Variants in RUNDC3B observed in about 807,000 individuals in gnomAD.
RUNDC3B encodes RUN domain containing 3B, also known as RUN domain-containing protein 3B.
In RUNDC3B, 33 loss-of-function variants were observed where a neutral mutation model predicts 58.4. That is an observed-to-expected ratio of 0.56 (90% CI 0.43 to 0.75). The LOEUF (loss-of-function observed/expected upper bound fraction) is 0.75, where lower values mean the gene tolerates loss of function less well. RUNDC3B is among the 30% of genes least tolerant of loss of function. The probability of loss-of-function intolerance (pLI) is 0.00; values close to 1 mark genes in which losing one functional copy is unlikely to be tolerated. For synonymous variants in RUNDC3B, 193 were observed against 195.2 expected (o/e 0.99, Z 0.10); for missense variants, 501 against 535.7 (o/e 0.94, Z 0.64).
rs139374078 is a variant in RUNDC3B, at chr7:87,659,367, T to A, written c.238+8430T>A. The A allele has an allele frequency of 5.8e-3, 1,655 of 285,502 alleles. 29 individuals are homozygous for A. Among genetic ancestry groups the A allele is most frequent in the African/African-American group, 0.035 (1,540 of 43,912 alleles). The allele number at this position is 285,502 out of a possible 1,614,324, so 17.7% of individuals were successfully genotyped here. On this transcript the variant is annotated intron_variant, in intron 2 of 10. Transcript: ENST00000394654. ...ATTCCATTTTTATTTATATTGTTTTTTAGTGTATCTCTTTATATAGATTTT... is the reference window on the plus strand; with the variant it reads ...ATTCCATTTTTATTTATATTGTTTTATAGTGTATCTCTTTATATAGATTTT...
At chr7:87,810,151 T>A (rs1836633958) in intron 9 of RUNDC3B, among the ~76,000 whole-genome samples, 1 of 152,114 alleles carries the variant, frequency 6.6e-6, no homozygotes, top group South Asian at 2.1e-4. Context: ...AAAGACAATT[T>A]AAGAAGAGAG....
intron 8 of RUNDC3B, among the ~76,000 whole-genome samples, chr7:87,785,220 G>A (rs780720970): frequency 1.1e-4 from 16 of 151,886 alleles, no homozygotes; most frequent in African/African-American, 1.7e-4. Flanking sequence ...CTGAAATTGC[G>A]GGGCTGTCCC....
chr7:87,810,769 G>T (rs1302004790), intron 9 of RUNDC3B, among the ~76,000 whole-genome samples: 2 of 152,032 alleles, frequency 1.3e-5, no homozygotes, highest in African/African-American at 4.8e-5. Flanking sequence ...AGCTATGCTG[G>T]ATTTTATATC....
chr7:87,744,032 C>A (rs1832504284), intron 6 of RUNDC3B, among the ~76,000 whole-genome samples: 1 of 152,184 alleles, frequency 6.6e-6, no homozygotes, highest in Admixed American at 6.5e-5. Context: ...CTTCATGTGG[C>A]TAGCCAGTTA....
chr7:87,787,654 C>T (rs770851307), intron 8 of RUNDC3B, among the ~76,000 whole-genome samples: 26 of 152,244 alleles, frequency 1.7e-4, no homozygotes, highest in South Asian at 4.1e-4. Flanking sequence ...CTGTGCTCTA[C>T]ACTTTCCAGT....
At chr7:87,760,594 T>G (rs1341392013) in intron 6 of RUNDC3B, among the ~76,000 whole-genome samples, 1 of 152,050 alleles carries the variant, frequency 6.6e-6, no homozygotes, top group African/African-American at 2.4e-5. Context: ...AAAGCTCCAG[T>G]AATCAAAACA....
chr7:87,816,003 T>A (rs982871065), intron 9 of RUNDC3B, 138 bp from the exon 10 acceptor site: 1 of 627,134 alleles, frequency 1.6e-6, no homozygotes, highest in Non-Finnish European at 2.8e-6. Context: ...AAGCCAAGAA[T>A]ATGAAGCAAA....
At chr7:87,700,089 C>G (rs570967318) in intron 2 of RUNDC3B, among the ~76,000 whole-genome samples, 2 of 151,900 alleles carry the variant, frequency 1.3e-5, no homozygotes, top group East Asian at 3.9e-4. Flanking sequence ...CAGGAAGGTT[C>G]CCGTGTGCTA....
At chr7:87,629,653 C>T (rs938081825) in intron 1 of RUNDC3B, among the ~76,000 whole-genome samples, 15 of 152,072 alleles carry the variant, frequency 9.9e-5, no homozygotes, top group Non-Finnish European at 1.6e-4. Flanking sequence ...TTGGGCCGGG[C>T]GCGGTGGCTT....
At chr7:87,806,609 T>C (rs1406467400) in intron 8 of RUNDC3B, among the ~76,000 whole-genome samples, 2 of 152,198 alleles carry the variant, frequency 1.3e-5, no homozygotes, top group Admixed American at 1.3e-4. Context: ...CAGTTGGTTT[T>C]TGAAGTCTGA....
intron 2 of RUNDC3B, among the ~76,000 whole-genome samples, chr7:87,653,742 C>A (rs1436988478): frequency 6.6e-6 from 1 of 151,814 alleles, no homozygotes; most frequent in African/African-American, 2.4e-5. Flanking sequence ...TCTTTTCTTT[C>A]TCCCAGGTAA....
intron 1 of RUNDC3B, among the ~76,000 whole-genome samples, chr7:87,633,985 C>G (rs1297294110): frequency 6.6e-6 from 1 of 152,122 alleles, no homozygotes; most frequent in Non-Finnish European, 1.5e-5. Context: ...CTGGTGAGGG[C>G]TTTTGTGCTT....
At chr7:87,793,003 A>G (rs118074206) in intron 8 of RUNDC3B, among the ~76,000 whole-genome samples, 2 of 152,176 alleles carry the variant, frequency 1.3e-5, no homozygotes, top group East Asian at 3.9e-4. Context: ...TCAGAGATTA[A>G]AAAGAGAAGA....
At chr7:87,760,396 C>T (rs1191125802) in intron 6 of RUNDC3B, among the ~76,000 whole-genome samples, 2 of 151,980 alleles carry the variant, frequency 1.3e-5, no homozygotes, top group Non-Finnish European at 2.9e-5. Flanking sequence ...CTTAAGATGG[C>T]AATACTTCTG....
chr7:87,631,364 T>G (rs1434492049), intron 1 of RUNDC3B, among the ~76,000 whole-genome samples: 1 of 152,210 alleles, frequency 6.6e-6, no homozygotes, highest in African/African-American at 2.4e-5. Flanking sequence ...ATTTCACTCA[T>G]GTCTCTTATG....
chr7:87,798,721 T>C (rs757314318), intron 8 of RUNDC3B, among the ~76,000 whole-genome samples: 1 of 152,322 alleles, frequency 6.6e-6, no homozygotes, highest in African/African-American at 2.4e-5. Flanking sequence ...CATTAATGTC[T>C]CTTTCTTCTT....
At chr7:87,771,949 T>C (rs1269158907) in intron 7 of RUNDC3B, among the ~76,000 whole-genome samples, 1 of 152,206 alleles carries the variant, frequency 6.6e-6, no homozygotes, top group African/African-American at 2.4e-5. Context: ...CCCTCATTTG[T>C]AGTGTTTGCC....
At chr7:87,674,319 A>G (rs1228943493) in intron 2 of RUNDC3B, among the ~76,000 whole-genome samples, 2 of 152,152 alleles carry the variant, frequency 1.3e-5, no homozygotes, top group East Asian at 1.9e-4. Context: ...ACTGGCATCC[A>G]TGCATGCTCT....
intron 2 of RUNDC3B, among the ~76,000 whole-genome samples, chr7:87,669,811 G>A (rs1414217834): frequency 6.6e-6 from 1 of 152,112 alleles, no homozygotes; most frequent in East Asian, 1.9e-4. Flanking sequence ...AATCTCTTCT[G>A]GCTTGTAGGG....
Sources: allele counts gnomAD v4.1 joint callset (sites outside exome capture counted in the v4.1 genomes callset), GRCh38; gene constraint gnomAD v4.1.1; transcripts MANE v1.5; gene names NCBI Gene and HGNC (gene_info 2026-07-23, HGNC 2026-07-21).